CNTN4: variants seen among roughly 807,000 people sequenced by gnomAD.
CNTN4 encodes contactin-4.
CNTN4 carries 77 observed loss-of-function variants against 122.5 expected under a neutral mutation model. That is an observed-to-expected ratio of 0.63 (90% CI 0.52 to 0.76). CNTN4 has a LOEUF of 0.76. Ranked by LOEUF, CNTN4 falls within the 30% of genes least tolerant of loss-of-function variation. The pLI is 0.00. For synonymous variants in CNTN4, 512 were observed against 447.0 expected (o/e 1.15, Z -1.83); for missense variants, 1,256 against 1,259.1 (o/e 1.00, Z 0.04).
intron 3 of CNTN4, among the ~76,000 whole-genome samples, chr3:2,425,660 G>A (rs540644707): frequency 2.4e-4 from 36 of 152,202 alleles, no homozygotes; most frequent in African/African-American, 7.0e-4. Flanking sequence ...ATTACCTTGG[G>A]CAGTATGGCC....
chr3:2,627,747 C>A (rs1374200890), intron 4 of CNTN4, among the ~76,000 whole-genome samples: 5 of 152,160 alleles, frequency 3.3e-5, no homozygotes, highest in East Asian at 1.9e-4. Context: ...CCCGCCTCGG[C>A]CTCCCAAAGT....
At chr3:2,686,260 A>G (rs897025674) in intron 4 of CNTN4, among the ~76,000 whole-genome samples, 23 of 152,050 alleles carry the variant, frequency 1.5e-4, no homozygotes, top group African/African-American at 4.8e-4. Flanking sequence ...GCAATATTTA[A>G]CCCTTACATT....
At chr3:2,736,148 T>G in intron 4 of CNTN4, 67 bp from the exon 5 acceptor site, 1 of 1,454,742 alleles carries the variant, frequency 6.9e-7, no homozygotes, top group Middle Eastern at 1.7e-4. Context: ...CTTATGTTGT[T>G]GTTTCCTGTT....
chr3:3,002,480 C>T (rs1696147895), intron 14 of CNTN4, among the ~76,000 whole-genome samples: 1 of 152,048 alleles, frequency 6.6e-6, no homozygotes, highest in South Asian at 2.1e-4. Flanking sequence ...TAGGTAACAT[C>T]CTGAGTTATA....
At chr3:2,991,262 G>C (rs1278307492) in intron 14 of CNTN4, among the ~76,000 whole-genome samples, 6 of 152,148 alleles carry the variant, frequency 3.9e-5, no homozygotes, top group Non-Finnish European at 8.8e-5. Flanking sequence ...GCCTGGCCCA[G>C]TACAAAAAGA....
chr3:2,857,390 T>C (rs1423374268), intron 7 of CNTN4, among the ~76,000 whole-genome samples: 1 of 152,238 alleles, frequency 6.6e-6, no homozygotes, highest in Admixed American at 6.5e-5. Context: ...TTGAGCTCTT[T>C]GTAAAATATG....
chr3:2,474,331 T>G (rs562330057), intron 3 of CNTN4, among the ~76,000 whole-genome samples: 2 of 152,310 alleles, frequency 1.3e-5, no homozygotes, highest in East Asian at 3.9e-4. Flanking sequence ...TAGCACTTCT[T>G]GAACACTCAA....
At chr3:2,619,430 G>A (rs916058929) in intron 4 of CNTN4, among the ~76,000 whole-genome samples, 1 of 152,176 alleles carries the variant, frequency 6.6e-6, no homozygotes, top group African/African-American at 2.4e-5. Context: ...CTTGAAGAAT[G>A]GATTCAAAAC....
chr3:2,105,613 C>T (rs893744554), intron 2 of CNTN4, among the ~76,000 whole-genome samples: 1 of 152,130 alleles, frequency 6.6e-6, no homozygotes, highest in African/African-American at 2.4e-5. Context: ...AAACTGCTTC[C>T]ACAATGCAAT....
At chr3:2,903,194 G>A (rs532325467) in intron 12 of CNTN4, among the ~76,000 whole-genome samples, 189 bp downstream of exon 12, 2 of 152,090 alleles carry the variant, frequency 1.3e-5, no homozygotes, top group African/African-American at 2.4e-5. Context: ...TTCTAAATCC[G>A]CCTCTTCTGA....
intron 3 of CNTN4, among the ~76,000 whole-genome samples, chr3:2,472,385 A>T (rs745500855): frequency 1.6e-4 from 24 of 151,968 alleles, no homozygotes; most frequent in Middle Eastern, 3.2e-3. Flanking sequence ...GATTACATGC[A>T]TGCATCACTG....
intron 4 of CNTN4, among the ~76,000 whole-genome samples, chr3:2,633,199 A>G (rs1297800157): frequency 6.6e-6 from 1 of 152,156 alleles, no homozygotes; most frequent in African/African-American, 2.4e-5. Flanking sequence ...CTATAGCCCC[A>G]CGAAGGCTAC....
intron 6 of CNTN4, among the ~76,000 whole-genome samples, chr3:2,816,366 AAAAATAAATAAAT>A (rs1559535784): frequency 4.0e-5 from 6 of 151,826 alleles, no homozygotes; most frequent in Non-Finnish European, 1.5e-5. Flanking sequence ...AAAAAATAAA[AAAAATAAATAAAT>A]AAAATAAATA....
intron 2 of CNTN4, chr3:2,110,305 T>G (rs375454716): frequency 2.0e-5 from 3 of 152,388 alleles, no homozygotes; most frequent in African/African-American, 7.2e-5. Context: ...GCTGTGAACA[T>G]TAATGGTATG....
chr3:2,541,948 A>G (rs544085441), intron 3 of CNTN4, among the ~76,000 whole-genome samples: 38 of 152,250 alleles, frequency 2.5e-4, no homozygotes, highest in Middle Eastern at 3.4e-3. Flanking sequence ...GGCACTGCAC[A>G]GGTGTTTCCA....
At chr3:3,047,884 G>T (rs376992166) in intron 23 of CNTN4, among the ~76,000 whole-genome samples, 2 of 151,978 alleles carry the variant, frequency 1.3e-5, no homozygotes, top group South Asian at 4.1e-4. Flanking sequence ...CTGCTAGCAA[G>T]ACTAATAAAG....
intron 4 of CNTN4, among the ~76,000 whole-genome samples, chr3:2,584,683 G>A (rs1206350390): frequency 7.5e-5 from 2 of 26,574 alleles, no homozygotes; most frequent in East Asian, 2.0e-3. Context: ...GATGACAAAA[G>A]CAAAACTCCG....
At chr3:2,332,163 G>A (rs962651276) in intron 2 of CNTN4, among the ~76,000 whole-genome samples, 1 of 152,118 alleles carries the variant, frequency 6.6e-6, no homozygotes, top group African/African-American at 2.4e-5. Context: ...TTAGATTTCA[G>A]GATAGTAACT....
At chr3:2,133,062 T>A (rs1278486134) in intron 2 of CNTN4, among the ~76,000 whole-genome samples, 1 of 152,086 alleles carries the variant, frequency 6.6e-6, no homozygotes, top group Non-Finnish European at 1.5e-5. Flanking sequence ...AATGAAGGAC[T>A]TGATATTAGG....
Sources: gnomAD v4.1 joint callset for allele counts (sites outside exome capture counted in the v4.1 genomes callset) on GRCh38, gnomAD v4.1.1 for gene constraint, MANE v1.5 for transcripts, NCBI Gene and HGNC (gene_info 2026-07-23, HGNC 2026-07-21) for gene names.